SESN1: variants seen among roughly 807,000 people sequenced by gnomAD.
SESN1 encodes sestrin 1.
A neutral mutation model predicts 59.3 loss-of-function variants in SESN1; 30 were observed. The ratio of observed to expected loss-of-function variants is 0.51; its 90% CI spans 0.38 to 0.69. The LOEUF (loss-of-function observed/expected upper bound fraction) is 0.69. Among genes scored for constraint, SESN1 ranks in the 30% least tolerant of loss-of-function variants. The pLI is 0.00. For synonymous variants in SESN1, 197 were observed against 219.9 expected, an observed-to-expected ratio of 0.90 and a Z score of 0.92; for missense variants, 566 against 673.0, an observed-to-expected ratio of 0.84 and a Z score of 1.76.
At chr6:109,077,232 ATT>A (rs1781046793) in intron 1 of SESN1, among the ~76,000 whole-genome samples, 1 of 152,128 alleles carries the variant, frequency 6.6e-6, no homozygotes, top group Non-Finnish European at 1.5e-5. Context: ...TTCCCCATTG[ATT>A]TTGTTTTCCA....
chr6:109,080,260 T>C (rs1781099013), intron 1 of SESN1, among the ~76,000 whole-genome samples: 1 of 152,182 alleles, frequency 6.6e-6, no homozygotes, highest in Non-Finnish European at 1.5e-5. Flanking sequence ...ATGGCAACAA[T>C]GAACTAGCTA....
At position 108,990,787 on chromosome 6, in the gene SESN1, G is replaced by C. The variant is rs1779358265; in HGVS notation, c.1282C>G (p.Pro428Ala). ...TCATCAATCAACTGTCCCACATCTG[G>C]ATAAAGGCGATTTACCAAAGAATAA... Reference protein sequence around the residue: ...HGYSLVNRLYPDVGQLIDEKF... With the variant: ...HGYSLVNRLYADVGQLIDEKF... Residue 428 changes from proline to alanine, a missense_variant, in exon 8 of 10, where the codon CCA becomes GCA. Pro to Ala is a conservative substitution (Grantham distance 27). Transcript: ENST00000436639. 1 of 1,613,920 alleles carries C rather than the reference G, an allele frequency of 6.2e-7. No individual in the cohort carries two copies. The highest frequency in any genetic ancestry group is 8.5e-7 in the Non-Finnish European group (1 of 1,180,022).
At position 109,000,727 on chromosome 6, in the gene SESN1, TC is replaced by T. The variant is rs1779602799; in HGVS notation, c.547-55del. On this transcript the variant is annotated intron_variant, in intron 3 of 9. Transcript: ENST00000436639. ...AAATATTAAAACCTTGAACTACATA[TC>T]CTTTTTATTTACAACATGCAAAAGA... The T allele has an allele frequency of 5.3e-6, 7 of 1,309,696 alleles. No individual in the cohort carries two copies. In the South Asian group the frequency reaches 1.6e-4, roughly 30 times the overall value. The allele number at this position is 1,309,696 out of a possible 1,614,324, so 81.1% of individuals were successfully genotyped here.
At chr6:109,092,415 G>A (rs1781331062) in intron 1 of SESN1, among the ~76,000 whole-genome samples, 1 of 152,152 alleles carries the variant, frequency 6.6e-6, no homozygotes, top group African/African-American at 2.4e-5. Context: ...ATGCTCCCCA[G>A]AGCCTGCTTA....
rs575305668 is a variant in SESN1 at position 109,046,965 on chromosome 6, G to A, written c.280-44622C>T. On this transcript the variant is annotated intron_variant, in intron 1 of 9. Transcript: ENST00000436639. The stretch of plus-strand genomic sequence containing the variant: ...TGGGAAGTGAGGAGCGTCTCCACCC[G>A]GCAGCCACCCCGTCCGGGAGGGAGG... Among the ~76,000 whole-genome samples the A allele has an allele frequency of 6.5e-5, 7 of 107,678 alleles. No homozygotes were observed. The South Asian group carries it at 2.0e-3, about 31-fold the overall frequency. 70.6% of individuals were successfully genotyped at this position (107,678 alleles called of 152,430 possible). A position where few individuals can be genotyped will look rare whatever the true frequency, so the allele number is the denominator to read the frequency against.
chr6:109,053,367 C>T (rs1780574574), intron 1 of SESN1, among the ~76,000 whole-genome samples: 1 of 152,048 alleles, frequency 6.6e-6, no homozygotes, highest in Admixed American at 6.5e-5. Flanking sequence ...AAGTCATATG[C>T]CACATATCCC....
At position 109,021,339 on chromosome 6, in the gene SESN1, A is replaced by G. The variant is rs867685173; in HGVS notation, c.280-18996T>C. On this transcript the variant is annotated intron_variant, in intron 1 of 9. Transcript: ENST00000436639. ...TAATAACATTGTAGGATGCTGTAAAATAAGTGTATAGATGTGTATTTCCCC... is the reference window on the plus strand; with the variant it reads ...TAATAACATTGTAGGATGCTGTAAAGTAAGTGTATAGATGTGTATTTCCCC... 3.3e-5 allele frequency among the ~76,000 whole-genome samples: 5 copies of G among 152,212 alleles called. 1 individual carries two copies. The South Asian group carries it at 6.2e-4, about 19-fold the overall frequency.
intron 1 of SESN1, chr6:109,008,756 C>G: frequency 1.0e-6 from 1 of 984,810 alleles, no homozygotes; most frequent in Non-Finnish European, 1.2e-6. Context: ...GTACCTCTTT[C>G]TAAAGGACAA....
At chr6:108,998,927 T>A (rs938563091) in intron 4 of SESN1, 172 bp from the exon 5 acceptor site, 15 of 590,570 alleles carry the variant, frequency 2.5e-5, no homozygotes, top group African/African-American at 2.1e-4. Context: ...TGAATATGCA[T>A]TCACAAATAG....
chr6:109,054,780 T>C (rs1780602404), intron 1 of SESN1, among the ~76,000 whole-genome samples: 1 of 152,244 alleles, frequency 6.6e-6, no homozygotes. Flanking sequence ...CTTTTTCATA[T>C]ATGATACAAC....
At chr6:109,050,948 AATATT>A (rs1384476773) in intron 1 of SESN1, among the ~76,000 whole-genome samples, 1 of 152,188 alleles carries the variant, frequency 6.6e-6, no homozygotes, top group Non-Finnish European at 1.5e-5. Flanking sequence ...CCATAGAAAT[AATATT>A]ATGAGTGGAC....
intron 7 of SESN1, among the ~76,000 whole-genome samples, chr6:108,991,746 C>T (rs1037456636): frequency 2.0e-5 from 3 of 152,138 alleles, no homozygotes; most frequent in African/African-American, 7.2e-5. Flanking sequence ...GATAGTATGC[C>T]ATCACGCTGG....
At chr6:109,032,294 G>A (rs1199102950) in intron 1 of SESN1, among the ~76,000 whole-genome samples, 2 of 152,010 alleles carry the variant, frequency 1.3e-5, no homozygotes, top group Non-Finnish European at 2.9e-5. Context: ...AGAGTTTGGA[G>A]CATTTCAGAT....
intron 1 of SESN1, among the ~76,000 whole-genome samples, chr6:109,086,760 CTA>C (rs780160513): frequency 1.8e-5 from 2 of 109,918 alleles, no homozygotes; most frequent in Non-Finnish European, 3.8e-5. Flanking sequence ...AACAAAATAA[CTA>C]TGTTAGAAAA....
chr6:109,039,046 G>GGGT (rs1780294950), intron 1 of SESN1, among the ~76,000 whole-genome samples: 1 of 148,890 alleles, frequency 6.7e-6, no homozygotes, highest in Non-Finnish European at 1.5e-5. Context: ...AGAAGAAGGA[G>GGGT]GGAGAAGGAG....
rs553284454 is a variant in SESN1, at chr6:109,027,431, C to T, written c.280-25088G>A. Among the ~76,000 whole-genome samples, 355 of 143,240 alleles carry T rather than the reference C, an allele frequency of 2.5e-3. 1 individual carries two copies. Among genetic ancestry groups the T allele is most frequent in the African/African-American group, 8.8e-3 (333 of 37,878 alleles). The allele number at this position is 143,240 out of a possible 152,430, so 94.0% of individuals were successfully genotyped here. On this transcript the variant is annotated intron_variant, in intron 1 of 9. Transcript: ENST00000436639. ...GGTGGAGGCTGCAGTGAGCTGAGATCGCGCCACTGCACTCCAGCCTGGGCG... is the reference window on the plus strand; with the variant it reads ...GGTGGAGGCTGCAGTGAGCTGAGATTGCGCCACTGCACTCCAGCCTGGGCG...
chr6:109,076,342 G>T (rs1050529667), intron 1 of SESN1, among the ~76,000 whole-genome samples: 1 of 152,120 alleles, frequency 6.6e-6, no homozygotes, highest in African/African-American at 2.4e-5. Context: ...CTTTCAATAA[G>T]TTTTCAATAC....
chr6:109,001,674 G>C (rs1779628415), intron 2 of SESN1, among the ~76,000 whole-genome samples, 186 bp from the exon 3 acceptor site: 1 of 152,170 alleles, frequency 6.6e-6, no homozygotes, highest in South Asian at 2.1e-4. Context: ...ATATTATATA[G>C]TAGGGGATAA....
intron 1 of SESN1, among the ~76,000 whole-genome samples, chr6:109,008,525 A>C (rs1013795870): frequency 2.0e-5 from 3 of 152,226 alleles, no homozygotes; most frequent in African/African-American, 7.2e-5. Context: ...TATACTGATA[A>C]TAGACTCCAT....
Sources: allele counts gnomAD v4.1 joint callset (sites outside exome capture counted in the v4.1 genomes callset), GRCh38; gene constraint gnomAD v4.1.1; transcripts MANE v1.5; gene names NCBI Gene and HGNC (gene_info 2026-07-23, HGNC 2026-07-21).